The following DNAH11 variants were observed in gnomAD, a reference collection of about 807,000 sequenced individuals.
DNAH11 encodes the protein axonemal beta dynein heavy chain 11.
Under a neutral mutation model 526.0 loss-of-function variants are expected in DNAH11, and 442 were observed. The observed-to-expected ratio is 0.84, with a 90% CI of 0.78 to 0.91. The LOEUF (loss-of-function observed/expected upper bound fraction) is 0.91, where lower values mean the gene tolerates loss of function less well. Among genes scored for constraint, DNAH11 ranks in the 40% least tolerant of loss-of-function variants. The pLI is 0.00. For missense variants in DNAH11, 6,989 were observed against 5,448.7 expected (o/e 1.28, Z -8.90); for synonymous variants, 2,461 against 1,935.9 (o/e 1.27, Z -7.12).
chr7:21,639,912 C>A (rs1206711407), intron 28 of DNAH11, among the ~76,000 whole-genome samples: 2 of 151,600 alleles, frequency 1.3e-5, no homozygotes, highest in African/African-American at 4.8e-5. Context: ...ATTTTTTGTG[C>A]CATTTTCTTT....
chr7:21,735,647 T>TCGTTCAC lies in DNAH11; in HGVS notation c.7449_7455dup (p.Thr2486ArgfsTer10). ...TTCTGTTTCTCCTCCCAGACAGTTC[T>TCGTTCAC]CGTTCACACAACAGAGACAGCTCGT... On this transcript the variant is annotated frameshift_variant, in exon 46 of 82. Transcript: ENST00000409508. LOFTEE classifies it high-confidence loss of function. The TCGTTCAC allele has an allele frequency of 6.3e-7, 1 of 1,583,940 alleles. No homozygotes were observed. The highest frequency in any genetic ancestry group is 1.3e-5 in the African/African-American group (1 of 74,560).
intron 30 of DNAH11, among the ~76,000 whole-genome samples, chr7:21,671,385 A>G (rs535858433): frequency 3.9e-5 from 6 of 152,164 alleles, no homozygotes; most frequent in East Asian, 1.9e-4. Context: ...AATATTTACT[A>G]TCTGTTCCTT....
intron 36 of DNAH11, among the ~76,000 whole-genome samples, chr7:21,700,938 A>G (rs749214425): frequency 1.2e-4 from 18 of 152,318 alleles, no homozygotes; most frequent in African/African-American, 4.1e-4. Flanking sequence ...GGAGGGGAAC[A>G]TCACACACTG....
In DNAH11 at chr7:21,818,305, C is replaced by T; in HGVS notation, c.10657C>T (p.Pro3553Ser). Residue 3553 changes from proline (P) to serine (S), a missense_variant, in exon 65 of 82, where the codon CCA (proline) becomes TCA (serine). Physicochemically the swap from Pro to Ser is moderately conservative, Grantham distance 74. Coordinates refer to ENST00000409508, the MANE Select transcript of DNAH11 (RefSeq NM_001277115.2). The stretch of plus-strand genomic sequence containing the variant: ...GGAAACGATAGATCCAGTCCTGGAT[C>T]CACTACTTGGCAGGAACACAATTAA... ...LEETIDPVLD[P>S]LLGRNTIKKG... The T allele has an allele frequency of 6.2e-7, 1 of 1,609,182 alleles. No homozygotes were observed. Among genetic ancestry groups the T allele is most frequent in the Non-Finnish European group, 8.5e-7 (1 of 1,178,326 alleles).
rs200894470 is a variant in DNAH11 at position 21,707,746 on chromosome 7, G to C, written c.6594G>C (p.Pro2198=). ...NRTYVNMKQK[P]VWNDLNPKAV... ...CATATGTTAACATGAAACAGAAGCC[G>C]GTTTGGAATGACTTAAACCCTAAAG... Residue 2198 remains proline, a synonymous_variant, in exon 40 of 82, where the codon CCG becomes CCC. Coordinates refer to ENST00000409508, the MANE Select transcript of DNAH11 (RefSeq NM_001277115.2). 6.2e-7 allele frequency: 1 copy of C among 1,613,114 alleles called. No homozygotes were observed. The highest frequency in any genetic ancestry group is 8.5e-7 in the Non-Finnish European group (1 of 1,179,510).
intron 25 of DNAH11, among the ~76,000 whole-genome samples, chr7:21,631,142 A>G (rs1441228423): frequency 1.3e-5 from 2 of 152,118 alleles, no homozygotes; most frequent in Non-Finnish European, 1.5e-5. Flanking sequence ...TGTGCAGGCA[A>G]TCTCCCCTTT....
chr7:21,835,764 G>A (rs1198525388), intron 65 of DNAH11, among the ~76,000 whole-genome samples: 1 of 151,284 alleles, frequency 6.6e-6, no homozygotes, highest in African/African-American at 2.4e-5. Flanking sequence ...TAGGCAGCAA[G>A]TAAGTAAGAG....
At chr7:21,719,303 A>G (rs554750471) in intron 43 of DNAH11, among the ~76,000 whole-genome samples, 1 of 152,370 alleles carries the variant, frequency 6.6e-6, no homozygotes, top group East Asian at 1.9e-4. Context: ...TGAGAAATTA[A>G]TGCACTCTGT....
chr7:21,615,266 T>G lies in DNAH11; in HGVS notation c.4005T>G (p.Tyr1335Ter). The G allele has an allele frequency of 6.2e-7, 1 of 1,611,490 alleles. No individual in the cohort carries two copies. ...LLKGLWDVII[Y>*]VRRSIDNWTK... ...AGGGACTGTGGGATGTCATTATTTA[T>G]GTTCGAGTAAGATGTGCTTTTTCAA... Residue 1335 changes from tyrosine (Y) to a stop codon, truncating the protein, a stop_gained, in exon 21 of 82, where the codon TAT becomes TAG. Coordinates refer to ENST00000409508, the MANE Select transcript of DNAH11 (RefSeq NM_001277115.2). LOFTEE classifies it high-confidence loss of function.
chr7:21,744,719 A>G lies in DNAH11; in HGVS notation c.8316+120A>G, dbSNP rs181159681. 67 of 1,442,328 alleles carry G rather than the reference A, an allele frequency of 4.6e-5. No homozygotes were observed. In the East Asian group the frequency reaches 1.5e-3, roughly 33 times the overall value. 89.3% of individuals were successfully genotyped at this position (1,442,328 alleles called of 1,614,324 possible). ...GCTTACCTTTTTGCAATGGCTGTGA[A>G]TCCAGAATACACTTGGTCTATGCTT... On this transcript the variant is annotated intron_variant, in intron 50 of 81. Coordinates refer to ENST00000409508, the MANE Select transcript of DNAH11 (RefSeq NM_001277115.2).
At position 21,707,676 on chromosome 7, in the gene DNAH11, G is replaced by T; in HGVS notation, c.6547-23G>T. On this transcript the variant is annotated intron_variant, in intron 39 of 81. Transcript: ENST00000409508. ...GGCTTATGTTAGTATTAATTTTTTT[G>T]GCTCTTTCCTCCTTCCCCTCAGATT... The T allele has an allele frequency of 2.5e-6, 4 of 1,593,944 alleles. No individual in the cohort carries two copies. The South Asian group carries it at 3.5e-5, about 14-fold the overall frequency.
chr7:21,713,097 C>G (rs1784522600), intron 42 of DNAH11, among the ~76,000 whole-genome samples: 1 of 152,212 alleles, frequency 6.6e-6, no homozygotes, highest in Admixed American at 6.5e-5. Flanking sequence ...GCTTACTCCT[C>G]AAATGCTTAC....
At chr7:21,709,963 A>G (rs963587653) in intron 40 of DNAH11, among the ~76,000 whole-genome samples, 5 of 152,240 alleles carry the variant, frequency 3.3e-5, no homozygotes, top group Non-Finnish European at 7.3e-5. Flanking sequence ...AATATGTCAC[A>G]TCAAATACAC....
In DNAH11 at chr7:21,899,398, C is replaced by T. The variant is rs1238638659; in HGVS notation, c.13112C>T (p.Pro4371Leu). Reference sequence around the variant, plus strand: ...ACTTGGACACAAGACCTTACCCTTCCGGCTGTCGTGTGGCTCTCCGGCTTC... The same window carrying T: ...ACTTGGACACAAGACCTTACCCTTCTGGCTGTCGTGTGGCTCTCCGGCTTC... ...LDTWTQDLTL[P>L]AVVWLSGFFN... Residue 4371 changes from proline to leucine, a missense_variant, in exon 80 of 82, where the codon CCG becomes CTG. Pro to Leu is a moderately conservative substitution (Grantham distance 98). Transcript: ENST00000409508. 9.3e-6 allele frequency: 15 copies of T among 1,613,854 alleles called. No individual in the cohort carries two copies. The highest frequency in any genetic ancestry group is 1.6e-4 in the Middle Eastern group (1 of 6,084).
intron 45 of DNAH11, among the ~76,000 whole-genome samples, chr7:21,731,229 AG>A (rs779502362): frequency 1.3e-4 from 20 of 152,296 alleles, no homozygotes; most frequent in Middle Eastern, 6.8e-3. Flanking sequence ...TCAAAACATC[AG>A]GTTATACACA....
chr7:21,807,583 C>T (rs1789322475), intron 62 of DNAH11, among the ~76,000 whole-genome samples: 1 of 152,180 alleles, frequency 6.6e-6, no homozygotes. Flanking sequence ...GAGAGACTGT[C>T]AGCCTTTCAA....
At chr7:21,584,394 CAG>C (rs1784416447) in intron 9 of DNAH11, among the ~76,000 whole-genome samples, 2 of 151,934 alleles carry the variant, frequency 1.3e-5, no homozygotes, top group Admixed American at 1.3e-4. Flanking sequence ...CACATGGACA[CAG>C]AGAGGGGAAC....
At chr7:21,650,873 C>G (rs531386236) in intron 28 of DNAH11, among the ~76,000 whole-genome samples, 1 of 151,716 alleles carries the variant, frequency 6.6e-6, no homozygotes, top group Non-Finnish European at 1.5e-5. Flanking sequence ...CTCCTGACCT[C>G]AGGTGATCCA....
At chr7:21,572,092 G>A in intron 8 of DNAH11, 119 bp downstream of exon 8, 1 of 872,210 alleles carries the variant, frequency 1.1e-6, no homozygotes, top group Non-Finnish European at 1.5e-6. Context: ...GACCAAAAGA[G>A]GTTACATGAC....
Sources: gnomAD v4.1 joint callset for allele counts (sites outside exome capture counted in the v4.1 genomes callset) on GRCh38, gnomAD v4.1.1 for gene constraint, MANE v1.5 for transcripts, NCBI Gene and HGNC (gene_info 2026-07-23, HGNC 2026-07-21) for gene names.